Variants in SCEL observed in about 807,000 individuals in gnomAD.
The protein encoded by SCEL is sciellin.
In SCEL, 113 loss-of-function variants were observed where a neutral mutation model predicts 117.6. That is an observed-to-expected ratio of 0.96 (90% CI 0.83 to 1.12). The LOEUF (loss-of-function observed/expected upper bound fraction) is 1.12, where lower values mean the gene tolerates loss of function less well. SCEL is among the 50% of genes most tolerant of loss of function. The probability of loss-of-function intolerance (pLI) is 0.00; values close to 1 mark genes in which losing one functional copy is unlikely to be tolerated. For missense variants in SCEL, 785 were observed against 810.8 expected, an observed-to-expected ratio of 0.97 and a Z score of 0.39; for synonymous variants, 270 against 256.2, an observed-to-expected ratio of 1.05 and a Z score of -0.51.
rs575078009 is a variant in SCEL at position 77,590,659 on chromosome 13, T to C, written c.627-736T>C. 8.5e-5 allele frequency among the ~76,000 whole-genome samples: 13 copies of C among 152,166 alleles called. 1 individual carries two copies. Among genetic ancestry groups the C allele is most frequent in the African/African-American group, 3.1e-4 (13 of 41,566 alleles). On this transcript the variant is annotated intron_variant, in intron 10 of 32. Transcript: ENST00000349847. The stretch of plus-strand genomic sequence containing the variant: ...TTTATTCTACCAATGATCTAAAAAA[T>C]AAAATTGGGACAACTTGCATGTTTT...
chr13:77,550,023 T>C (rs2084214974), intron 1 of SCEL, among the ~76,000 whole-genome samples: 1 of 152,012 alleles, frequency 6.6e-6, no homozygotes, highest in Non-Finnish European at 1.5e-5. Flanking sequence ...TTTTTTTTTT[T>C]TAGTTGAGAT....
At chr13:77,557,342 A>C (rs898749984) in intron 3 of SCEL, among the ~76,000 whole-genome samples, 3 of 152,208 alleles carry the variant, frequency 2.0e-5, no homozygotes, top group Non-Finnish European at 4.4e-5. Flanking sequence ...ATAGATTTGC[A>C]ATAGGTATTT....
At position 77,603,101 on chromosome 13, in the gene SCEL, GAAGT is replaced by G; in HGVS notation, c.1066_1069del (p.Val356IlefsTer40). Reference sequence around the variant, plus strand: ...AAGTGAAGACCTTGATAATGCTACTGAAGTAAATCCCAAAGGACATGAAAATACC... The same window carrying G: ...AAGTGAAGACCTTGATAATGCTACTGAAATCCCAAAGGACATGAAAATACC... On this transcript the variant is annotated frameshift_variant, in exon 18 of 33. Coordinates refer to ENST00000349847, the MANE Select transcript of SCEL (RefSeq NM_144777.3). LOFTEE classifies it high-confidence loss of function. 1 of 1,563,986 alleles carries G rather than the reference GAAGT, an allele frequency of 6.4e-7. No homozygotes were observed. The highest frequency in any genetic ancestry group is 8.7e-7 in the Non-Finnish European group (1 of 1,154,658).
At chr13:77,637,696 A>G (rs777785916) in intron 30 of SCEL, among the ~76,000 whole-genome samples, 8 of 152,112 alleles carry the variant, frequency 5.3e-5, no homozygotes, top group Non-Finnish European at 2.9e-5. Context: ...TTTAGGCTTC[A>G]TTGCATCCAT....
At chr13:77,569,543 T>C in intron 8 of SCEL, 92 bp downstream of exon 8, 1 of 900,146 alleles carries the variant, frequency 1.1e-6, no homozygotes, top group South Asian at 1.6e-5. Flanking sequence ...GGATCCAGCA[T>C]CTACATTCTG....
chr13:77,574,106 C>T (rs1230337826), intron 9 of SCEL, among the ~76,000 whole-genome samples: 1 of 152,180 alleles, frequency 6.6e-6, no homozygotes, highest in African/African-American at 2.4e-5. Context: ...TTGTCCTCAA[C>T]TCATCATTCC....
intron 5 of SCEL, among the ~76,000 whole-genome samples, chr13:77,565,664 C>T (rs2085247765): frequency 6.6e-6 from 1 of 152,116 alleles, no homozygotes; most frequent in African/African-American, 2.4e-5. Flanking sequence ...GGTATGTGTG[C>T]ATTTGCATTT....
At chr13:77,599,266 C>A in intron 13 of SCEL, 63 bp from the exon 14 acceptor site, 1 of 1,185,704 alleles carries the variant, frequency 8.4e-7, no homozygotes, top group South Asian at 1.4e-5. Context: ...GGTCTATGTT[C>A]TTATAGAGTT....
chr13:77,577,682 G>A (rs1489951791), intron 9 of SCEL, among the ~76,000 whole-genome samples: 1 of 152,138 alleles, frequency 6.6e-6, no homozygotes, highest in East Asian at 1.9e-4. Context: ...TAGTTTCCTT[G>A]ATGTGTCCAA....
chr13:77,604,786 T>C (rs190431368), intron 19 of SCEL, among the ~76,000 whole-genome samples: 3 of 152,276 alleles, frequency 2.0e-5, no homozygotes, highest in East Asian at 3.9e-4. Flanking sequence ...TAAGTGCATA[T>C]GTATGTAGAT....
rs2090727394 is a variant in SCEL, at chr13:77,645,082, GTTA to G, written c.*814_*816del. 2 of 125,876 alleles carry G rather than the reference GTTA, an allele frequency of 1.6e-5. No homozygotes were observed. Among genetic ancestry groups the G allele is most frequent in the African/African-American group, 6.4e-5 (2 of 31,452 alleles). The allele number at this position is 125,876 out of a possible 1,614,324, so 7.8% of individuals were successfully genotyped here. A position where few individuals can be genotyped will look rare whatever the true frequency, so the allele number is the denominator to read the frequency against. On this transcript the variant is annotated 3_prime_UTR_variant, in exon 33 of 33. Coordinates refer to ENST00000349847, the MANE Select transcript of SCEL (RefSeq NM_144777.3). The stretch of plus-strand genomic sequence containing the variant: ...AAAATATGACATGTATAGCTTACAT[GTTA>G]TTATTTGTTAAATTTTCTTTGTATA...
In SCEL at chr13:77,573,659, A is replaced by G. The variant is rs550658980; in HGVS notation, c.545+1470A>G. On this transcript the variant is annotated intron_variant, in intron 9 of 32. Coordinates refer to ENST00000349847, the MANE Select transcript of SCEL (RefSeq NM_144777.3). Reference sequence around the variant, plus strand: ...ATTACATCTATCTATCTATCTATCTATCTATCTATCTATCTATCTATCTGT... The same window carrying G: ...ATTACATCTATCTATCTATCTATCTGTCTATCTATCTATCTATCTATCTGT... 5.9e-5 allele frequency among the ~76,000 whole-genome samples: 9 copies of G among 152,054 alleles called. 1 individual carries two copies. In the South Asian group the frequency reaches 1.9e-3, roughly 32 times the overall value.
chr13:77,577,703 G>T (rs953819668), intron 9 of SCEL, among the ~76,000 whole-genome samples: 2 of 152,152 alleles, frequency 1.3e-5, no homozygotes, highest in Non-Finnish European at 2.9e-5. Flanking sequence ...ATGCCACTTG[G>T]ATAAGGTCTT....
At chr13:77,591,701 C>T (rs2086881467) in intron 11 of SCEL, among the ~76,000 whole-genome samples, 1 of 152,158 alleles carries the variant, frequency 6.6e-6, no homozygotes. Flanking sequence ...AGGATAAGAT[C>T]AAACCCACTA....
chr13:77,577,466 A>G (rs2086011823), intron 9 of SCEL, among the ~76,000 whole-genome samples: 1 of 152,070 alleles, frequency 6.6e-6, no homozygotes, highest in Middle Eastern at 3.2e-3. Context: ...CTAGAACAGC[A>G]TGGGGGAAAC....
chr13:77,562,612 C>T (rs563229229), intron 4 of SCEL, among the ~76,000 whole-genome samples: 1 of 152,332 alleles, frequency 6.6e-6, no homozygotes, highest in East Asian at 1.9e-4. Context: ...TTTTATGGCA[C>T]TCACTACTTT....
At chr13:77,538,557 T>C (rs2083534243) in intron 1 of SCEL, among the ~76,000 whole-genome samples, 1 of 152,324 alleles carries the variant, frequency 6.6e-6, no homozygotes, top group African/African-American at 2.4e-5. Context: ...CTTTGCCAAA[T>C]GACAGCTACA....
At chr13:77,632,575 A>C (rs776747855) in intron 28 of SCEL, among the ~76,000 whole-genome samples, 1 of 152,204 alleles carries the variant, frequency 6.6e-6, no homozygotes, top group Non-Finnish European at 1.5e-5. Context: ...ATATGTGAAC[A>C]AATGCTTTCC....
At chr13:77,543,084 T>A (rs113090769) in intron 1 of SCEL, among the ~76,000 whole-genome samples, 1 of 132,716 alleles carries the variant, frequency 7.5e-6, no homozygotes, top group African/African-American at 3.5e-5. Context: ...TACTTTAGCT[T>A]TTTTTTTTTT....
Sources: gnomAD v4.1 joint callset for allele counts (sites outside exome capture counted in the v4.1 genomes callset) on GRCh38, gnomAD v4.1.1 for gene constraint, MANE v1.5 for transcripts, NCBI Gene and HGNC (gene_info 2026-07-23, HGNC 2026-07-21) for gene names.